LYPD5: variants seen among roughly 807,000 people sequenced by gnomAD.
The protein encoded by LYPD5 is ly6/PLAUR domain-containing protein 5.
In LYPD5, 21 loss-of-function variants were observed where a neutral mutation model predicts 19.1. The ratio of observed to expected loss-of-function variants is 1.10; its 90% CI spans 0.78 to 1.58. The LOEUF (loss-of-function observed/expected upper bound fraction) is 1.58, where lower values mean the gene tolerates loss of function less well. LYPD5 is among the 40% of genes most tolerant of loss of function. LYPD5 has a pLI of 0.00. For synonymous variants in LYPD5, 128 were observed against 142.7 expected, an observed-to-expected ratio of 0.90 and a Z score of 0.74; for missense variants, 287 against 329.8, an observed-to-expected ratio of 0.87 and a Z score of 1.00.
chr19:43,816,035 T>TATC (rs1970371278), intron 1 of LYPD5, among the ~76,000 whole-genome samples: 1 of 48,036 alleles, frequency 2.1e-5, no homozygotes, highest in Non-Finnish European at 5.0e-5. Context: ...CGCCCCACTC[T>TATC]ATCTATCTAT....
intron 1 of LYPD5, among the ~76,000 whole-genome samples, chr19:43,815,169 G>GA (rs1237480629): frequency 6.6e-6 from 1 of 152,104 alleles, no homozygotes; most frequent in Non-Finnish European, 1.5e-5. Flanking sequence ...CACCTGCTTT[G>GA]AAACTCAGCA....
chr19:43,810,715 C>T (rs1970315710), intron 1 of LYPD5, among the ~76,000 whole-genome samples: 2 of 151,612 alleles, frequency 1.3e-5, no homozygotes, highest in African/African-American at 2.4e-5. Context: ...GCAACCTCTG[C>T]CTCCTGGGTT....
intron 1 of LYPD5, among the ~76,000 whole-genome samples, chr19:43,817,367 A>G (rs16976804): frequency 6.6e-6 from 1 of 152,054 alleles, no homozygotes; most frequent in African/African-American, 2.4e-5. Context: ...TCAAACCTCT[A>G]TATGTCACAT....
chr19:43,802,513 CG>C, upstream of LYPD5: 1 of 722,432 alleles, frequency 1.4e-6, no homozygotes, highest in Non-Finnish European at 2.4e-6. Flanking sequence ...CCTATGTGGG[CG>C]GGTCTCTTCC....
upstream of LYPD5, among the ~76,000 whole-genome samples, chr19:43,806,322 T>C (rs912012711): frequency 2.0e-5 from 3 of 152,094 alleles, no homozygotes; most frequent in African/African-American, 7.2e-5. Flanking sequence ...TGATGATCTG[T>C]CACTGTCTCC....
chr19:43,797,757 G>A lies in LYPD5; in HGVS notation c.590C>T (p.Pro197Leu), dbSNP rs1970153157. The A allele has an allele frequency of 6.2e-7, 1 of 1,613,892 alleles. No individual in the cohort carries two copies. Among genetic ancestry groups the A allele is most frequent in the African/African-American group, 1.3e-5 (1 of 74,886 alleles). Reference sequence around the variant, plus strand: ...GCCCTGGAGGTCGATGGCTGTCCAGGGGCTGGTGGTGCCCTCGGTGGTGCA... The same window carrying A: ...GCCCTGGAGGTCGATGGCTGTCCAGAGGCTGGTGGTGCCCTCGGTGGTGCA... ...PSCTTEGTTS[P>L]WTAIDLQGSC... is the part of the protein sequence containing the mutation. The change falls in exon 5 of 5, where the codon CCC (proline) becomes CTC (leucine). Residue 197 changes from proline (P) to leucine (L), a missense_variant. By Grantham distance (98) the Pro-to-Leu change is moderately conservative. Coordinates refer to ENST00000377950, the MANE Select transcript of LYPD5 (RefSeq NM_001031749.3).
At chr19:43,808,644 C>T (rs1970291652) in intron 1 of LYPD5, among the ~76,000 whole-genome samples, 1 of 152,172 alleles carries the variant, frequency 6.6e-6, no homozygotes, top group African/African-American at 2.4e-5. Flanking sequence ...ATGGTCTGTT[C>T]TGCTCAATAA....
intron 2 of LYPD5, 107 bp downstream of exon 2, chr19:43,799,597 CTA>C (rs1471249749): frequency 1.7e-6 from 2 of 1,212,096 alleles, no homozygotes; most frequent in East Asian, 5.4e-5. Context: ...CCCCATCTTT[CTA>C]TCTTTATCTT....
chr19:43,799,037 C>T lies in LYPD5; in HGVS notation c.194-49G>A, dbSNP rs1052457155. ...GCTCTGCTTCCCGAAACCCTTCTCCCTCCAGTCTCAGCGTTCTTCCTCCTC... is the reference window on the plus strand; with the variant it reads ...GCTCTGCTTCCCGAAACCCTTCTCCTTCCAGTCTCAGCGTTCTTCCTCCTC... On this transcript the variant is annotated intron_variant, in intron 2 of 4. Coordinates refer to ENST00000377950, the MANE Select transcript of LYPD5 (RefSeq NM_001031749.3). The T allele has an allele frequency of 8.0e-6, 12 of 1,508,052 alleles. No homozygotes were observed. The Admixed American group carries it at 1.5e-4, about 19-fold the overall frequency. The allele number at this position is 1,508,052 out of a possible 1,614,324, so 93.4% of individuals were successfully genotyped here.
upstream of LYPD5, among the ~76,000 whole-genome samples, chr19:43,807,251 C>T (rs935674455): frequency 6.6e-6 from 1 of 151,208 alleles, no homozygotes; most frequent in East Asian, 1.9e-4. Context: ...AAGTGCCCCT[C>T]ACCTCATTTT....
intron 4 of LYPD5, 95 bp downstream of exon 4, chr19:43,798,360 T>C (rs956562131): frequency 6.9e-7 from 1 of 1,448,084 alleles, no homozygotes; most frequent in Non-Finnish European, 9.5e-7. Context: ...AGCAGGGCCA[T>C]GTCTCCCTGT....
intron 1 of LYPD5, among the ~76,000 whole-genome samples, chr19:43,816,092 T>C (rs1970373808): frequency 6.7e-6 from 1 of 150,218 alleles, no homozygotes; most frequent in South Asian, 2.1e-4. Context: ...CTATCATGTA[T>C]CTATCACTTT....
At chr19:43,797,857 G>C (rs373671204) in intron 4 of LYPD5, 28 bp from the exon 5 acceptor site, 11 of 1,540,088 alleles carry the variant, frequency 7.1e-6, no homozygotes, top group African/African-American at 2.7e-5. Flanking sequence ...AGTGAGGAAC[G>C]GTCAGAACTG....
chr19:43,814,336 T>C (rs1024232566), intron 1 of LYPD5, among the ~76,000 whole-genome samples: 5 of 152,048 alleles, frequency 3.3e-5, no homozygotes, highest in African/African-American at 1.2e-4. Context: ...TACAAAACAT[T>C]CAAAACAAAT....
At chr19:43,801,592 A>G (rs1453362470) in intron 1 of LYPD5, among the ~76,000 whole-genome samples, 1 of 152,220 alleles carries the variant, frequency 6.6e-6, no homozygotes, top group East Asian at 1.9e-4. Context: ...AGACACAGAT[A>G]CACAAAATTA....
intron 3 of LYPD5, 99 bp downstream of exon 3, chr19:43,798,711 TAG>T: frequency 6.4e-7 from 1 of 1,570,998 alleles, no homozygotes; most frequent in South Asian, 1.2e-5. Context: ...GTTGGGATCC[TAG>T]CGCGCCAAGA....
At chr19:43,818,539 C>T (rs1039087442) in intron 1 of LYPD5, among the ~76,000 whole-genome samples, 3 of 152,174 alleles carry the variant, frequency 2.0e-5, no homozygotes, top group African/African-American at 4.8e-5. Context: ...TTCCAGGTCG[C>T]GTGTGAATAG....
chr19:43,815,104 A>C (rs984349763), intron 1 of LYPD5, among the ~76,000 whole-genome samples: 1 of 152,216 alleles, frequency 6.6e-6, no homozygotes, highest in Non-Finnish European at 1.5e-5. Flanking sequence ...TTGCTGATTC[A>C]TGTGGCTCAG....
chr19:43,820,087 TCA>T (rs1970406735), intron 1 of LYPD5, among the ~76,000 whole-genome samples: 1 of 151,422 alleles, frequency 6.6e-6, no homozygotes, highest in African/African-American at 2.4e-5. Flanking sequence ...CACACTTGTG[TCA>T]CAGTCACAGA....
Sources: allele counts gnomAD v4.1 joint callset (sites outside exome capture counted in the v4.1 genomes callset), GRCh38; gene constraint gnomAD v4.1.1; transcripts MANE v1.5; gene names NCBI Gene and HGNC (gene_info 2026-07-23, HGNC 2026-07-21).